CSF2RA: variants seen among roughly 807,000 people sequenced by gnomAD.
CSF2RA encodes the protein granulocyte-macrophage colony-stimulating factor receptor subunit alpha.
In CSF2RA, 42 loss-of-function variants were observed where a neutral mutation model predicts 51.6. The observed-to-expected ratio is 0.81, with a 90% CI of 0.64 to 1.05. The LOEUF is 1.05. CSF2RA is among the 50% of genes least tolerant of loss of function. The pLI is 0.00. For missense variants in CSF2RA, 530 were observed against 501.1 expected (o/e 1.06, Z -0.55); for synonymous variants, 222 against 193.0 (o/e 1.15, Z -1.24).
At position 1,282,760 on chromosome X, in the gene CSF2RA, C is replaced by G. The variant is rs1399172803; in HGVS notation, c.57C>G (p.Leu19=). The change falls in exon 3 of 13, where the codon CTC becomes CTG. Residue 19 remains leucine (L), a synonymous_variant. Coordinates refer to ENST00000381529, the MANE Select transcript of CSF2RA (RefSeq NM_172245.4). ...GTGAGTTACCACACCCAGCATTCCT[C>G]CTGATCCCAGAGAAATCGGGTAAGT... The part of the protein sequence containing the change: ...LLCELPHPAF[L]LIPEKSDLRT... 6.2e-7 allele frequency: 1 copy of G among 1,613,688 alleles called. No homozygotes were observed. The highest frequency in any genetic ancestry group is 1.3e-5 in the African/African-American group (1 of 74,904).
At chrX:1,294,730 G>T (rs1327701497) in intron 8 of CSF2RA, among the ~76,000 whole-genome samples, 1 of 151,888 alleles carries the variant, frequency 6.6e-6, no homozygotes, top group East Asian at 1.9e-4. Flanking sequence ...TGTGGGGGAC[G>T]ATGCCACAAG....
chrX:1,301,994 G>A (rs1407523530), intron 10 of CSF2RA, among the ~76,000 whole-genome samples: 2 of 144,416 alleles, frequency 1.4e-5, no homozygotes, highest in Non-Finnish European at 3.0e-5. Context: ...TCGGCTCACC[G>A]CGATCTCCGC....
rs1478344263 is a variant in CSF2RA at position 1,305,542 on chromosome X, G to C, written c.1125+15G>C. 2 of 1,613,976 alleles carry C rather than the reference G, an allele frequency of 1.2e-6. No homozygotes were observed. The highest frequency in any genetic ancestry group is 1.7e-6 in the Non-Finnish European group (2 of 1,179,866). On this transcript the variant is annotated intron_variant, in intron 12 of 12. Transcript: ENST00000381529. The stretch of plus-strand genomic sequence containing the variant: ...TGGAAGACGAGGTAGGCAGGGGTGG[G>C]CGGAGCAGTGACCTGGGATGGAAGG...
intron 11 of CSF2RA, 116 bp downstream of exon 11, chrX:1,304,135 G>C (rs867845422): frequency 6.0e-6 from 6 of 999,700 alleles, no homozygotes; most frequent in Non-Finnish European, 9.6e-6. Context: ...TTGGCCGGGC[G>C]TGTTGGCTCA....
chrX:1,275,301 G>C (rs2089035132), intron 2 of CSF2RA, among the ~76,000 whole-genome samples: 1 of 151,858 alleles, frequency 6.6e-6, no homozygotes, highest in Non-Finnish European at 1.5e-5. Flanking sequence ...CGAGGCAGGA[G>C]AATCGCTTGA....
In CSF2RA at chrX:1,271,096, T is replaced by C. The variant is rs181941104; in HGVS notation, c.-91+2217T>C. Among the ~76,000 whole-genome samples the C allele has an allele frequency of 4.6e-5, 7 of 151,976 alleles. No individual in the cohort carries two copies. The East Asian group carries it at 1.4e-3, about 29-fold the overall frequency. ...GAAGCATCTTAAGTTACCACCCAGA[T>C]TGGGGTACTAAGAGTCTGGATTTGG... On this transcript the variant is annotated intron_variant, in intron 1 of 12. Transcript: ENST00000381529.
At chrX:1,282,813 G>T in intron 3 of CSF2RA, 34 bp downstream of exon 3, 2 of 1,573,536 alleles carry the variant, frequency 1.3e-6, no homozygotes, top group Non-Finnish European at 1.7e-6. Flanking sequence ...CCTTCTCCGC[G>T]GCCCCTGTTT....
rs184806762 is a variant in CSF2RA, at chrX:1,309,477, T to C, written c.1201T>C (p.Ter401ArgextTer26). Residue 401 changes from the stop codon to arginine, a stop_lost, in exon 13 of 13, where the codon TGA becomes CGA. Transcript: ENST00000381529. ...EEVLTVKEIT[*>R] ...GGTCTTGACCGTGAAGGAAATTACC[T>C]GAGACCCAGAGGGTGTAGGAATGGC... 1 of 1,613,952 alleles carries C rather than the reference T, an allele frequency of 6.2e-7. No individual in the cohort carries two copies. The highest frequency in any genetic ancestry group is 2.2e-5 in the East Asian group (1 of 44,886).
Position 1,288,874 on chromosome X carries a change from C to T in CSF2RA, c.459C>T (p.Tyr153=). ...CCCGTGACGTCCAGTATTTTTTGTA[C>T]ATACGAAACTCAAAGTAAGTGTTCA... ...TAPRDVQYFL[Y]IRNSKRRREI... is the part of the protein sequence containing the mutation. The change falls in exon 6 of 13, where the codon TAC becomes TAT. Residue 153 remains tyrosine, a synonymous_variant. Coordinates refer to ENST00000381529, the MANE Select transcript of CSF2RA (RefSeq NM_172245.4). The T allele has an allele frequency of 6.2e-7, 1 of 1,609,370 alleles. No homozygotes were observed. The highest frequency in any genetic ancestry group is 2.2e-5 in the East Asian group (1 of 44,644).
rs1239255653 is a variant in CSF2RA, at chrX:1,300,730, C to CTGAGATCG, written c.946+104_946+105insTGAGATCG. On this transcript the variant is annotated intron_variant, in intron 10 of 12. Transcript: ENST00000381529. ...TCCTGGGCGCTGAGATCGAGTTGAG[C>CTGAGATCG]ACGTCGCTGGGAGTAGTGTCAGGCT... is the stretch of plus-strand genomic sequence containing the variant. 440 of 1,472,018 alleles carry CTGAGATCG rather than the reference C, an allele frequency of 3.0e-4. 1 individual carries two copies. The African/African-American group carries it at 5.1e-3, about 17-fold the overall frequency. The allele number at this position is 1,472,018 out of a possible 1,614,324, so 91.2% of individuals were successfully genotyped here.
At chrX:1,314,302 T>TGCAC (rs1569514752), downstream of CSF2RA, among the ~76,000 whole-genome samples, 19 of 34,500 alleles carry the variant, frequency 5.5e-4, 4 homozygotes, top group Admixed American at 1.6e-3. Context: ...GCCCAACCAC[T>TGCAC]CTGTGCCTGC....
At chrX:1,292,338 C>T (rs28529153) in intron 7 of CSF2RA, among the ~76,000 whole-genome samples, 60,472 of 152,012 alleles carry the variant, frequency 0.4, 13,811 homozygotes, top group South Asian at 0.55. Context: ...TCAGGTGGGA[C>T]GAGAGACTGA....
chrX:1,278,268 G>T (rs1471103270), intron 2 of CSF2RA, among the ~76,000 whole-genome samples: 1 of 150,142 alleles, frequency 6.7e-6, no homozygotes, highest in African/African-American at 2.5e-5. Flanking sequence ...GGGAGACGGA[G>T]GTTGCAGTGA....
chrX:1,302,586 C>T (rs1174421502), intron 10 of CSF2RA, among the ~76,000 whole-genome samples: 1 of 152,004 alleles, frequency 6.6e-6, no homozygotes, highest in African/African-American at 2.4e-5. Context: ...CTCACTACAA[C>T]CTCTGCCTCC....
intron 6 of CSF2RA, 84 bp downstream of exon 6, chrX:1,288,972 CTTTTT>C: frequency 1.3e-6 from 2 of 1,582,706 alleles, no homozygotes; most frequent in Non-Finnish European, 1.7e-6. Context: ...TTTCCTTTTT[CTTTTT>C]TTAAGACATG....
At chrX:1,314,268 C>CCCAACCACTCTGT (rs1569514710), downstream of CSF2RA, among the ~76,000 whole-genome samples, 18 of 47,632 alleles carry the variant, frequency 3.8e-4, 3 homozygotes, top group South Asian at 0.011. Context: ...AACCCCACTG[C>CCCAACCACTCTGT]GCCTGCCCAA....
At chrX:1,269,030 A>C (rs1421345867) in intron 1 of CSF2RA, among the ~76,000 whole-genome samples, 151 bp downstream of exon 1, 2 of 152,180 alleles carry the variant, frequency 1.3e-5, no homozygotes, top group African/African-American at 4.8e-5. Context: ...ACAGCGGCCC[A>C]GAAGACTGAG....
chrX:1,280,717 T>G (rs1480229328), intron 2 of CSF2RA, among the ~76,000 whole-genome samples: 5 of 145,592 alleles, frequency 3.4e-5, no homozygotes, highest in African/African-American at 1.0e-4. Flanking sequence ...TCTTTCCCCT[T>G]CTTCTTCTTC....
intron 8 of CSF2RA, among the ~76,000 whole-genome samples, chrX:1,294,713 C>G (rs1311366499): frequency 1.3e-5 from 2 of 151,996 alleles, no homozygotes; most frequent in Non-Finnish European, 1.5e-5. Context: ...GGAAGTGGAC[C>G]GGGAGGTGTG....
Sources: allele counts gnomAD v4.1 joint callset (sites outside exome capture counted in the v4.1 genomes callset), GRCh38; gene constraint gnomAD v4.1.1; transcripts MANE v1.5; gene names NCBI Gene and HGNC (gene_info 2026-07-23, HGNC 2026-07-21).